MED16: variants seen among roughly 807,000 people sequenced by gnomAD.
MED16 encodes mediator of RNA polymerase II transcription subunit 16.
In MED16, 81 loss-of-function variants were observed where a neutral mutation model predicts 84.4. The observed-to-expected ratio is 0.96, with a 90% confidence interval of 0.80 to 1.15. MED16 has a LOEUF of 1.15. Among genes scored for constraint, MED16 ranks in the 50% most tolerant of loss-of-function variants. The probability of loss-of-function intolerance (pLI) is 0.00; values close to 1 mark genes in which losing one functional copy is unlikely to be tolerated. For missense variants in MED16, 1,585 were observed against 1,245.9 expected, an observed-to-expected ratio of 1.27 and a Z score of -4.10; for synonymous variants, 897 against 552.2, an observed-to-expected ratio of 1.62 and a Z score of -8.76.
chr19:875,498 G>A, intron 9 of MED16, 44 bp from the exon 10 acceptor site: 2 of 1,503,160 alleles, frequency 1.3e-6, no homozygotes, highest in Non-Finnish European at 1.8e-6. Context: ...CGGAGCAGAG[G>A]CGCCCGCCAA....
intron 4 of MED16, among the ~76,000 whole-genome samples, chr19:887,093 AAAAG>A (rs2036541309): frequency 6.6e-6 from 1 of 151,838 alleles, no homozygotes; most frequent in African/African-American, 2.4e-5. Flanking sequence ...AACAAAAAAA[AAAAG>A]AACAAGAAAA....
At position 868,422 on chromosome 19, in the gene MED16, T is replaced by G. The variant is rs778924170; in HGVS notation, c.2477A>C (p.Asn826Thr). 1 of 1,610,378 alleles carries G rather than the reference T, an allele frequency of 6.2e-7. No individual in the cohort carries two copies. Among genetic ancestry groups the G allele is most frequent in the Non-Finnish European group, 8.5e-7 (1 of 1,179,862 alleles). The change falls in exon 15 of 16, where the codon AAC becomes ACC. Residue 826 changes from asparagine to threonine, a missense_variant. By Grantham distance (65) the Asn-to-Thr change is moderately conservative (BLOSUM62 0). Coordinates refer to ENST00000325464, the MANE Select transcript of MED16 (RefSeq NM_005481.3). Reference sequence around the variant, plus strand: ...CCACCAGAGCCCACCGCACAGGCAGTTCTTGATCCAGCGCTGCTCCCACTG... The same window carrying G: ...CCACCAGAGCCCACCGCACAGGCAGGTCTTGATCCAGCGCTGCTCCCACTG... ...VKQWEQRWIK[N>T]CLAVEGRGPD...
At position 877,178 on chromosome 19, in the gene MED16, C is replaced by G; in HGVS notation, c.1356G>C (p.Leu452=). ...ALVGIDSHGK[L]SVLRLSPSMG... ...TGGAAGGTGAGAGGCGGAGCACGCT[C>G]AGCTGCCAGAGACAGAGCCCAAGGA... Residue 452 remains leucine, a splice_region_variant and synonymous_variant, in exon 9 of 16, where the codon CTG becomes CTC. Transcript: ENST00000325464. The G allele has an allele frequency of 6.2e-7, 1 of 1,607,244 alleles. No individual in the cohort carries two copies. The highest frequency in any genetic ancestry group is 1.7e-5 in the Admixed American group (1 of 59,330).
At position 871,137 on chromosome 19, in the gene MED16, CCAGGCCGTCGCTGGCTGG is replaced by C; in HGVS notation, c.2197_2214del (p.Pro733_Leu738del). On this transcript the variant is annotated inframe_deletion, in exon 13 of 16. Coordinates refer to ENST00000325464, the MANE Select transcript of MED16 (RefSeq NM_005481.3). ...GGCTGCTTGGGCTGCAGGCGGCTAA[CCAGGCCGTCGCTGGCTGG>C]CAGCCAGTCCAGGCTGGGGATAAGC... 1 of 1,548,310 alleles carries C rather than the reference CCAGGCCGTCGCTGGCTGG, an allele frequency of 6.5e-7. No homozygotes were observed. The highest frequency in any genetic ancestry group is 8.7e-7 in the Non-Finnish European group (1 of 1,145,676).
At chr19:870,594 G>A (rs1184612706) in intron 13 of MED16, among the ~76,000 whole-genome samples, 2 of 150,436 alleles carry the variant, frequency 1.3e-5, no homozygotes. Context: ...GGGAGAGGGT[G>A]AATGGAAGGG....
At chr19:877,775 GCCCCA>G in intron 8 of MED16, among the ~76,000 whole-genome samples, 1 of 58,626 alleles carries the variant, frequency 1.7e-5, no homozygotes, top group South Asian at 5.2e-4. Flanking sequence ...ACCAGCCCCA[GCCCCA>G]GCCCCAGCCC....
In MED16 at chr19:875,407, C is replaced by T; in HGVS notation, c.1608G>A (p.Leu536=). The T allele has an allele frequency of 6.2e-7, 1 of 1,607,356 alleles. No homozygotes were observed. The highest frequency in any genetic ancestry group is 8.5e-7 in the Non-Finnish European group (1 of 1,179,730). The change falls in exon 10 of 16, where the codon CTG becomes CTA. Residue 536 remains leucine (L), a synonymous_variant. Coordinates refer to ENST00000325464, the MANE Select transcript of MED16 (RefSeq NM_005481.3). ...ILAMKASLCK[L]SPCTVTRVCD... is the part of the protein sequence containing the mutation. ...ACACGCGGGTCACCGTGCAGGGCGA[C>T]AGCTTGCAGAGCGAGGCCTTCATGG... is the stretch of plus-strand genomic sequence containing the variant.
chr19:881,746 C>A, intron 6 of MED16, 32 bp from the exon 7 acceptor site: 1 of 1,601,708 alleles, frequency 6.2e-7, no homozygotes, highest in South Asian at 1.1e-5. Flanking sequence ...AACAGGAAGG[C>A]AATGGAGTAA....
intron 7 of MED16, among the ~76,000 whole-genome samples, chr19:880,717 C>G (rs779295818): frequency 6.6e-6 from 1 of 151,968 alleles, no homozygotes; most frequent in Non-Finnish European, 1.5e-5. Flanking sequence ...CTCAGGGGTT[C>G]GAGACCAGCC....
At chr19:879,187 G>A (rs2036349002) in intron 8 of MED16, among the ~76,000 whole-genome samples, 2 of 133,680 alleles carry the variant, frequency 1.5e-5, no homozygotes, top group Non-Finnish European at 3.1e-5. Context: ...GGTTGTCAAT[G>A]CCCAGCAGCT....
In MED16 at chr19:891,135, G is replaced by A. The variant is rs779212483; in HGVS notation, c.-4C>T. ...CTGGCCGCCGCAAATCACACATGAG[G>A]GCAGTCACCAGCTCCTGCGGGAGGG... is the stretch of plus-strand genomic sequence containing the variant. On this transcript the variant is annotated 5_prime_UTR_variant, in exon 2 of 16. Coordinates refer to ENST00000325464, the MANE Select transcript of MED16 (RefSeq NM_005481.3). The A allele has an allele frequency of 2.5e-6, 4 of 1,610,980 alleles. No homozygotes were observed. The highest frequency in any genetic ancestry group is 1.3e-5 in the African/African-American group (1 of 74,992).
At position 877,058 on chromosome 19, in the gene MED16, C is replaced by A; in HGVS notation, c.1476G>T (p.Leu492=). ...GTACCATACTGGGCTGCACGTGCAG[C>A]AGGATGTCCCACCAGTCGTAGCCGG... ...MVTGYDWWDI[L]LHVQPSMVQS... Residue 492 remains leucine, a synonymous_variant, in exon 9 of 16, where the codon CTG becomes CTT. Transcript: ENST00000325464. The A allele has an allele frequency of 6.2e-7, 1 of 1,612,668 alleles. No individual in the cohort carries two copies. Among genetic ancestry groups the A allele is most frequent in the Non-Finnish European group, 8.5e-7 (1 of 1,179,932 alleles).
At chr19:892,581 C>T (rs1345612788) in intron 1 of MED16, 1 of 149,772 alleles carries the variant, frequency 6.7e-6, no homozygotes, top group Non-Finnish European at 1.5e-5. Context: ...CAGGGTCCAT[C>T]CCAGGGACCC....
At chr19:889,831 C>G (rs768467810) in intron 3 of MED16, 24 bp from the exon 4 acceptor site, 4 of 1,596,340 alleles carry the variant, frequency 2.5e-6, no homozygotes, top group South Asian at 1.1e-5. Flanking sequence ...GCCATCATTG[C>G]GAACCTTCCA....
rs754553007 is a variant in MED16 at position 868,930 on chromosome 19, T to C, written c.2332A>G (p.Lys778Glu). Residue 778 changes from lysine to glutamate, a missense_variant, in exon 14 of 16, where the codon AAG becomes GAG. Transcript: ENST00000325464. ...TGCAGCCTCCGCAGGTGGTCGATCTTGGGCTGGCCTGGGGCCCTGGCGGGA... is the reference window on the plus strand; with the variant it reads ...TGCAGCCTCCGCAGGTGGTCGATCTCGGGCTGGCCTGGGGCCCTGGCGGGA... ...DGLARAPGQP[K>E]IDHLRRLHLG... is the part of the protein sequence containing the mutation. 28 of 1,543,906 alleles carry C rather than the reference T, an allele frequency of 1.8e-5. No individual in the cohort carries two copies. Among genetic ancestry groups the C allele is most frequent in the Non-Finnish European group, 2.4e-5 (28 of 1,151,250 alleles).
At chr19:892,109 G>A (rs2036649282) in intron 1 of MED16, among the ~76,000 whole-genome samples, 1 of 152,028 alleles carries the variant, frequency 6.6e-6, no homozygotes, top group Non-Finnish European at 1.5e-5. Flanking sequence ...CCTCCTCGAG[G>A]CTTTCTAAGC....
At position 884,714 on chromosome 19, in the gene MED16, ACACT is replaced by A. The variant is rs766116128; in HGVS notation, c.985+185_985+188del. On this transcript the variant is annotated intron_variant, in intron 6 of 15. Coordinates refer to ENST00000325464, the MANE Select transcript of MED16 (RefSeq NM_005481.3). ...GGATGGAGGAGTCTATACGCCTAAC[ACACT>A]CAGAATGCTGGCAGGCGCGCGGTCA... is the stretch of plus-strand genomic sequence containing the variant. Among the ~76,000 whole-genome samples the A allele has an allele frequency of 8.5e-5, 13 of 152,200 alleles. No individual in the cohort carries two copies. In the East Asian group the frequency reaches 2.3e-3, roughly 27 times the overall value.
intron 1 of MED16, among the ~76,000 whole-genome samples, chr19:891,650 C>A (rs2036636735): frequency 7.7e-6 from 1 of 129,902 alleles, no homozygotes; most frequent in Non-Finnish European, 1.6e-5. Context: ...ACACCTGTGG[C>A]CGAGGCGGGG....
intron 13 of MED16, 71 bp downstream of exon 13, chr19:870,966 T>G (rs2036035637): frequency 1.4e-6 from 2 of 1,416,002 alleles, no homozygotes; most frequent in Non-Finnish European, 1.9e-6. Context: ...GCCGTGTGGA[T>G]TCGGGGGTCC....
Sources: gnomAD v4.1 joint callset for allele counts (sites outside exome capture counted in the v4.1 genomes callset) on GRCh38, gnomAD v4.1.1 for gene constraint, MANE v1.5 for transcripts, NCBI Gene and HGNC (gene_info 2026-07-23, HGNC 2026-07-21) for gene names.